DDI1: variants seen among roughly 807,000 people sequenced by gnomAD.
DDI1 encodes protein DDI1 homolog 1.
In DDI1, 6 loss-of-function variants were observed where a neutral mutation model predicts 7.2. The ratio of observed to expected loss-of-function variants is 0.83; its 90% confidence interval spans 0.46 to 1.64. DDI1 has a LOEUF of 1.64. Among genes scored for constraint, DDI1 ranks in the 40% most tolerant of loss-of-function variants. The pLI is 0.01. For missense variants in DDI1, 502 were observed against 516.6 expected (o/e 0.97, Z 0.27); for synonymous variants, 221 against 201.7 (o/e 1.10, Z -0.81).
chr11:104,037,686 G>A lies in DDI1; in HGVS notation c.864G>A (p.Gly288=), dbSNP rs369975321. The change falls in exon 1 of 1, where the codon GGG becomes GGA. Residue 288 remains glycine, a synonymous_variant. Transcript: ENST00000302259. ...GGCTGGTGGACCGACGGTGGGCTGG[G>A]GTTGCTAAAGGAGTGGGCACACAGA... ...IMRLVDRRWA[G]VAKGVGTQRI... is the part of the protein sequence containing the mutation. 38 of 1,614,118 alleles carry A rather than the reference G, an allele frequency of 2.4e-5. No homozygotes were observed. The African/African-American group carries it at 4.5e-4, about 19-fold the overall frequency.
rs1156488962 is a variant in DDI1 at position 104,038,641 on chromosome 11, T to G, written c.*628T>G. ...CCTGCAATCCACAGCTAAAGACTAT[T>G]TTTGCCATATTTGAGAAAGTGGATT... On this transcript the variant is annotated 3_prime_UTR_variant, in exon 1 of 1. Transcript: ENST00000302259. The G allele has an allele frequency of 6.0e-6, 1 of 167,108 alleles. No individual in the cohort carries two copies. The highest frequency in any genetic ancestry group is 2.4e-5 in the African/African-American group (1 of 41,450). The allele number at this position is 167,108 out of a possible 1,614,324, so 10.4% of individuals were successfully genotyped here.
chr11:104,037,456 G>C lies in DDI1; in HGVS notation c.634G>C (p.Ala212Pro), dbSNP rs779858161. The change falls in exon 1 of 1, where the codon GCC becomes CCC. Residue 212 changes from alanine to proline, a missense_variant. Ala to Pro is a conservative substitution (Grantham distance 27). Coordinates refer to ENST00000302259, the MANE Select transcript of DDI1 (RefSeq NM_001001711.3). ...CGACCCACTGGATCGGGAAGCTCAG[G>C]CCAAAATAGAAGAGGAAATCCGGCA... ...TADPLDREAQ[A>P]KIEEEIRQQN... The C allele has an allele frequency of 6.2e-7, 1 of 1,614,094 alleles. No individual in the cohort carries two copies. The highest frequency in any genetic ancestry group is 8.5e-7 in the Non-Finnish European group (1 of 1,180,020).
At position 104,036,643 on chromosome 11, in the gene DDI1, G is replaced by C. The variant is rs1860237951; in HGVS notation, c.-180G>C. Reference sequence around the variant, plus strand: ...TCCACCTGGCCACACAGCAGGCACTGAGGCTGGGAGACAGCCCCCAGACAG... The same window carrying C: ...TCCACCTGGCCACACAGCAGGCACTCAGGCTGGGAGACAGCCCCCAGACAG... On this transcript the variant is annotated 5_prime_UTR_variant, in exon 1 of 1. Coordinates refer to ENST00000302259, the MANE Select transcript of DDI1 (RefSeq NM_001001711.3). The C allele has an allele frequency of 1.6e-6, 1 of 609,708 alleles. No homozygotes were observed. The highest frequency in any genetic ancestry group is 2.9e-6 in the Non-Finnish European group (1 of 343,560). 37.8% of individuals were successfully genotyped at this position (609,708 alleles called of 1,614,324 possible).
At position 104,037,468 on chromosome 11, in the gene DDI1, G is replaced by A. The variant is rs748236770; in HGVS notation, c.646G>A (p.Glu216Lys). ...TCGGGAAGCTCAGGCCAAAATAGAA[G>A]AGGAAATCCGGCAGCAAAACATTGA... ...LDREAQAKIE[E>K]EIRQQNIEEN... is the part of the protein sequence containing the mutation. The change falls in exon 1 of 1, where the codon GAG becomes AAG. Residue 216 changes from glutamate to lysine, a missense_variant. Coordinates refer to ENST00000302259, the MANE Select transcript of DDI1 (RefSeq NM_001001711.3). 11 of 1,614,010 alleles carry A rather than the reference G, an allele frequency of 6.8e-6. No homozygotes were observed. Among genetic ancestry groups the A allele is most frequent in the Non-Finnish European group, 9.3e-6 (11 of 1,180,044 alleles).
Position 104,037,149 on chromosome 11 carries a change from A to C in DDI1, c.327A>C (p.Pro109=). The C allele has an allele frequency of 6.2e-7, 1 of 1,613,798 alleles. No individual in the cohort carries two copies. The stretch of plus-strand genomic sequence containing the variant: ...TGCCTGGGACGTCCAGCTCCCGTCC[A>C]CAGCACCCTGGACAGCAGCAGCAGC... ...IAVPGTSSSR[P]QHPGQQQQRT... The change falls in exon 1 of 1, where the codon CCA becomes CCC. Residue 109 remains proline (P), a synonymous_variant. Coordinates refer to ENST00000302259, the MANE Select transcript of DDI1 (RefSeq NM_001001711.3).
chr11:104,038,048 C>T lies in DDI1; in HGVS notation c.*35C>T, dbSNP rs758009693. ...TAAATATGTTACCACCTTGAGGGAG[C>T]CTCAGGTCCCCGGCAATTATAAGTT... On this transcript the variant is annotated 3_prime_UTR_variant, in exon 1 of 1. Coordinates refer to ENST00000302259, the MANE Select transcript of DDI1 (RefSeq NM_001001711.3). The T allele has an allele frequency of 3.8e-6, 6 of 1,561,824 alleles. No homozygotes were observed. Among genetic ancestry groups the T allele is most frequent in the Non-Finnish European group, 5.2e-6 (6 of 1,150,122 alleles).
rs1299083023 is a variant in DDI1, at chr11:104,036,805, C to T, written c.-18C>T. Reference sequence around the variant, plus strand: ...CCGCCCATGCCCTCTGCTAGCCCGGCCCGCCCGGGCCCCCGCCATGCTGAT... The same window carrying T: ...CCGCCCATGCCCTCTGCTAGCCCGGTCCGCCCGGGCCCCCGCCATGCTGAT... On this transcript the variant is annotated 5_prime_UTR_variant, in exon 1 of 1. Coordinates refer to ENST00000302259, the MANE Select transcript of DDI1 (RefSeq NM_001001711.3). The T allele has an allele frequency of 6.2e-7, 1 of 1,602,576 alleles. No homozygotes were observed. Among genetic ancestry groups the T allele is most frequent in the South Asian group, 1.1e-5 (1 of 90,290 alleles).
In DDI1 at chr11:104,037,664, T is replaced by G; in HGVS notation, c.842T>G (p.Leu281Arg). The G allele has an allele frequency of 6.2e-7, 1 of 1,614,182 alleles. No individual in the cohort carries two copies. Among genetic ancestry groups the G allele is most frequent in the Non-Finnish European group, 8.5e-7 (1 of 1,180,028 alleles). ...ACAERCNIMR[L>R]VDRRWAGVAK... Reference sequence around the variant, plus strand: ...GCCGAGCGATGTAACATCATGAGGCTGGTGGACCGACGGTGGGCTGGGGTT... The same window carrying G: ...GCCGAGCGATGTAACATCATGAGGCGGGTGGACCGACGGTGGGCTGGGGTT... The change falls in exon 1 of 1, where the codon CTG (leucine) becomes CGG (arginine). Residue 281 changes from leucine (L) to arginine (R), a missense_variant. Physicochemically the swap from Leu to Arg is moderately radical, Grantham distance 102 (BLOSUM62 -2). Transcript: ENST00000302259.
rs1286615043 is a variant in DDI1, at chr11:104,038,755, T to G, written c.*742T>G. The G allele has an allele frequency of 6.0e-6, 1 of 167,042 alleles. No individual in the cohort carries two copies. Among genetic ancestry groups the G allele is most frequent in the Non-Finnish European group, 1.5e-5 (1 of 68,100 alleles). The allele number at this position is 167,042 out of a possible 1,614,324, so 10.3% of individuals were successfully genotyped here. On this transcript the variant is annotated 3_prime_UTR_variant, in exon 1 of 1. Coordinates refer to ENST00000302259, the MANE Select transcript of DDI1 (RefSeq NM_001001711.3). ...AACAAAGGCAATAAATTAGATTTTT[T>G]AAAAAAGAAATTATGGTACTTCTTG...
In DDI1 at chr11:104,037,348, C is replaced by T. The variant is rs1409705578; in HGVS notation, c.526C>T (p.Leu176Phe). ...PLAEALLSGSLETFSQVLMEQ... is the reference protein window; with the variant it reads ...PLAEALLSGSFETFSQVLMEQ... ...GGCGGAAGCCCTGCTCAGCGGAAGC[C>T]TTGAGACCTTTTCTCAGGTGCTGAT... The change falls in exon 1 of 1, where the codon CTT becomes TTT. Residue 176 changes from leucine to phenylalanine, a missense_variant. Coordinates refer to ENST00000302259, the MANE Select transcript of DDI1 (RefSeq NM_001001711.3). 3 of 1,614,022 alleles carry T rather than the reference C, an allele frequency of 1.9e-6. No individual in the cohort carries two copies. The African/African-American group carries it at 4.0e-5, about 22-fold the overall frequency.
Position 104,037,185 on chromosome 11 carries a change from T to A in DDI1, c.363T>A (p.Ala121=). ...HPGQQQQRTP[A]AQRSQGLASG... ...GACAGCAGCAGCAGCGCACACCCGC[T>A]GCCCAGCGGTCACAGGGCTTGGCGT... Residue 121 remains alanine, a synonymous_variant, in exon 1 of 1, where the codon GCT becomes GCA. Coordinates refer to ENST00000302259, the MANE Select transcript of DDI1 (RefSeq NM_001001711.3). 2.5e-6 allele frequency: 4 copies of A among 1,613,674 alleles called. No individual in the cohort carries two copies. Among genetic ancestry groups the A allele is most frequent in the Non-Finnish European group, 3.4e-6 (4 of 1,180,006 alleles).
chr11:104,038,044 G>A lies in DDI1; in HGVS notation c.*31G>A, dbSNP rs1412533247. The A allele has an allele frequency of 1.7e-5, 26 of 1,574,046 alleles. No individual in the cohort carries two copies. The highest frequency in any genetic ancestry group is 2.2e-5 in the Non-Finnish European group (25 of 1,155,796). ...GTTATAAATATGTTACCACCTTGAG[G>A]GAGCCTCAGGTCCCCGGCAATTATA... On this transcript the variant is annotated 3_prime_UTR_variant, in exon 1 of 1. Coordinates refer to ENST00000302259, the MANE Select transcript of DDI1 (RefSeq NM_001001711.3).
chr11:104,037,180 C>T lies in DDI1; in HGVS notation c.358C>T (p.Pro120Ser), dbSNP rs145797229. The T allele has an allele frequency of 1.7e-4, 277 of 1,613,532 alleles. No individual in the cohort carries two copies. Among genetic ancestry groups the T allele is most frequent in the Non-Finnish European group, 2.2e-4 (254 of 1,180,000 alleles). The change falls in exon 1 of 1, where the codon CCC becomes TCC. Residue 120 changes from proline (P) to serine (S), a missense_variant. Pro to Ser is a moderately conservative substitution (Grantham distance 74). Transcript: ENST00000302259. Reference sequence around the variant, plus strand: ...CCCTGGACAGCAGCAGCAGCGCACACCCGCTGCCCAGCGGTCACAGGGCTT... The same window carrying T: ...CCCTGGACAGCAGCAGCAGCGCACATCCGCTGCCCAGCGGTCACAGGGCTT... Reference protein sequence around the residue: ...QHPGQQQQRTPAAQRSQGLAS... With the variant: ...QHPGQQQQRTSAAQRSQGLAS...
chr11:104,036,651 G>A lies in DDI1; in HGVS notation c.-172G>A. The A allele has an allele frequency of 1.6e-6, 1 of 618,952 alleles. No homozygotes were observed. 38.3% of individuals were successfully genotyped at this position (618,952 alleles called of 1,614,324 possible). ...GCCACACAGCAGGCACTGAGGCTGG[G>A]AGACAGCCCCCAGACAGATGAGTGT... On this transcript the variant is annotated 5_prime_UTR_variant, in exon 1 of 1. Coordinates refer to ENST00000302259, the MANE Select transcript of DDI1 (RefSeq NM_001001711.3).
In DDI1 at chr11:104,037,903, C is replaced by T; in HGVS notation, c.1081C>T (p.Leu361Phe). The T allele has an allele frequency of 6.2e-7, 1 of 1,614,174 alleles. No individual in the cohort carries two copies. The highest frequency in any genetic ancestry group is 8.5e-7 in the Non-Finnish European group (1 of 1,180,042). ...IGTTGTQTYF[L>F]PEGELPLCSR... The stretch of plus-strand genomic sequence containing the variant: ...CACCACTGGCACGCAGACTTATTTT[C>T]TTCCTGAGGGAGAGTTGCCCTTATG... Residue 361 changes from leucine (L) to phenylalanine (F), a missense_variant, in exon 1 of 1, where the codon CTT becomes TTT. Coordinates refer to ENST00000302259, the MANE Select transcript of DDI1 (RefSeq NM_001001711.3).
At position 104,037,938 on chromosome 11, in the gene DDI1, G is replaced by A. The variant is rs1305973480; in HGVS notation, c.1116G>A (p.Met372Ile). Residue 372 changes from methionine to isoleucine, a missense_variant, in exon 1 of 1, where the codon ATG becomes ATA. Transcript: ENST00000302259. ...GAGAGTTGCCCTTATGCTCTAGGAT[G>A]GTAAGTGGGCAAGATGAGTCTTCGG... Reference protein sequence around the residue: ...PEGELPLCSRMVSGQDESSDK... With the variant: ...PEGELPLCSRIVSGQDESSDK... 1.2e-6 allele frequency: 2 copies of A among 1,613,986 alleles called. No homozygotes were observed. Among genetic ancestry groups the A allele is most frequent in the Non-Finnish European group, 1.7e-6 (2 of 1,180,022 alleles).
In DDI1 at chr11:104,038,019, G is replaced by A. The variant is rs756117981; in HGVS notation, c.*6G>A. ...CAGGACGAAAAGAGCATTAAAGCAC[G>A]TTATAAATATGTTACCACCTTGAGG... On this transcript the variant is annotated 3_prime_UTR_variant, in exon 1 of 1. Coordinates refer to ENST00000302259, the MANE Select transcript of DDI1 (RefSeq NM_001001711.3). The A allele has an allele frequency of 1.2e-6, 2 of 1,605,566 alleles. No individual in the cohort carries two copies. The highest frequency in any genetic ancestry group is 1.1e-5 in the South Asian group (1 of 90,560).
Position 104,037,062 on chromosome 11 carries a change from G to C in DDI1, c.240G>C (p.Val80=), listed in dbSNP as rs760413527. 3.1e-6 allele frequency: 5 copies of C among 1,614,226 alleles called. No individual in the cohort carries two copies. The South Asian group carries it at 5.5e-5, about 18-fold the overall frequency. The part of the protein sequence containing the change: ...DIVVLLQKDN[V]GPRAPGRAPN... ...TGGTTTTACTGCAGAAGGACAATGT[G>C]GGACCTCGGGCTCCAGGGCGTGCCC... is the stretch of plus-strand genomic sequence containing the variant. Residue 80 remains valine, a synonymous_variant, in exon 1 of 1, where the codon GTG becomes GTC. Transcript: ENST00000302259.
Position 104,038,041 on chromosome 11 carries a change from G to C in DDI1, c.*28G>C. ...CACGTTATAAATATGTTACCACCTT[G>C]AGGGAGCCTCAGGTCCCCGGCAATT... On this transcript the variant is annotated 3_prime_UTR_variant, in exon 1 of 1. Coordinates refer to ENST00000302259, the MANE Select transcript of DDI1 (RefSeq NM_001001711.3). 1 of 1,582,260 alleles carries C rather than the reference G, an allele frequency of 6.3e-7. No individual in the cohort carries two copies. Among genetic ancestry groups the C allele is most frequent in the South Asian group, 1.1e-5 (1 of 87,634 alleles).
Sources: gnomAD v4.1 joint callset for allele counts on GRCh38, gnomAD v4.1.1 for gene constraint, MANE v1.5 for transcripts, NCBI Gene and HGNC (gene_info 2026-07-23, HGNC 2026-07-21) for gene names.